The following LDB2 variants were observed in gnomAD, a reference collection of about 807,000 sequenced individuals.
LDB2 encodes LIM domain-binding protein 2.
In LDB2, 12 loss-of-function variants were observed where a neutral mutation model predicts 44.3. That is an observed-to-expected ratio of 0.27 (90% CI 0.17 to 0.44). LDB2 has a LOEUF of 0.44. LDB2 is among the 20% of genes least tolerant of loss of function. The pLI is 1.00. For missense variants in LDB2, 344 were observed against 473.5 expected, an observed-to-expected ratio of 0.73 and a Z score of 2.54; for synonymous variants, 164 against 174.8, an observed-to-expected ratio of 0.94 and a Z score of 0.49.
intron 7 of LDB2, among the ~76,000 whole-genome samples, chr4:16,505,345 G>T (rs1372494011): frequency 1.3e-5 from 2 of 151,664 alleles, no homozygotes; most frequent in South Asian, 2.1e-4. Context: ...GTGTGTGTGT[G>T]TGAGAGAGAG....
chr4:16,696,986 C>T (rs1287942316), intron 2 of LDB2, among the ~76,000 whole-genome samples: 1 of 152,080 alleles, frequency 6.6e-6, no homozygotes, highest in Non-Finnish European at 1.5e-5. Flanking sequence ...ACAGGATAAG[C>T]TATTTGGGGA....
chr4:16,813,965 A>G (rs1243474064), intron 1 of LDB2, among the ~76,000 whole-genome samples: 4 of 149,452 alleles, frequency 2.7e-5, no homozygotes, highest in Non-Finnish European at 3.0e-5. Flanking sequence ...TCTGCCTCCC[A>G]GGTTCAGGCC....
rs1216146529 is a variant in LDB2 at position 16,898,568 on chromosome 4, A to G, written c.-83T>C. On this transcript the variant is annotated 5_prime_UTR_variant, in exon 1 of 8. Transcript: ENST00000304523. The stretch of plus-strand genomic sequence containing the variant: ...ACATGGGCTGTGTTCTTCCCAGTAC[A>G]AAGTAGACGCACGCACACACGCTCA... 8 of 1,420,338 alleles carry G rather than the reference A, an allele frequency of 5.6e-6. No homozygotes were observed. Among genetic ancestry groups the G allele is most frequent in the Non-Finnish European group, 9.7e-7 (1 of 1,027,308 alleles). 88.0% of individuals were successfully genotyped at this position (1,420,338 alleles called of 1,614,324 possible). A position where few individuals can be genotyped will look rare whatever the true frequency, so the allele number is the denominator to read the frequency against.
At chr4:16,726,147 T>C (rs1435109580) in intron 2 of LDB2, among the ~76,000 whole-genome samples, 1 of 152,054 alleles carries the variant, frequency 6.6e-6, no homozygotes, top group African/African-American at 2.4e-5. Flanking sequence ...CTAAAGTAAG[T>C]ACCTATTAAA....
intron 1 of LDB2, among the ~76,000 whole-genome samples, chr4:16,851,205 G>T (rs556064246): frequency 1.3e-5 from 2 of 152,050 alleles, no homozygotes; most frequent in South Asian, 4.2e-4. Flanking sequence ...CTACCAACAG[G>T]ATATCAACAG....
intron 1 of LDB2, among the ~76,000 whole-genome samples, chr4:16,883,774 G>T (rs566174652): frequency 2.0e-5 from 3 of 152,296 alleles, no homozygotes; most frequent in Non-Finnish European, 4.4e-5. Flanking sequence ...TATCAAGGCA[G>T]GAAGAAAACT....
chr4:16,544,071 A>T (rs926072339), intron 5 of LDB2, among the ~76,000 whole-genome samples: 1 of 152,212 alleles, frequency 6.6e-6, no homozygotes, highest in Admixed American at 6.5e-5. Flanking sequence ...GACAAACAAT[A>T]AACAAACACA....
intron 1 of LDB2, chr4:16,893,101 T>A (rs1271841286): frequency 9.3e-6 from 9 of 968,518 alleles, no homozygotes; most frequent in Non-Finnish European, 1.1e-5. Context: ...GTAGAGATCC[T>A]GAAAAATAAG....
At chr4:16,713,091 A>T (rs1756290120) in intron 2 of LDB2, among the ~76,000 whole-genome samples, 1 of 152,250 alleles carries the variant, frequency 6.6e-6, no homozygotes, top group South Asian at 2.1e-4. Context: ...AAGTAAAAGA[A>T]GCCAGAAACA....
At chr4:16,765,888 CACCTTTGGAGTATTAT>C (rs1413021625) in intron 1 of LDB2, among the ~76,000 whole-genome samples, 16 of 152,262 alleles carry the variant, frequency 1.1e-4, no homozygotes, top group Non-Finnish European at 2.2e-4. Context: ...GCTTTTGAGC[CACCTTTGGAGTATTAT>C]ACATCTCAGT....
intron 2 of LDB2, among the ~76,000 whole-genome samples, chr4:16,728,988 T>C (rs1386304333): frequency 6.6e-6 from 1 of 152,226 alleles, no homozygotes; most frequent in African/African-American, 2.4e-5. Context: ...TGAGATCCCT[T>C]TTTTATTGGA....
intron 2 of LDB2, among the ~76,000 whole-genome samples, chr4:16,725,307 G>A (rs980404601): frequency 2.6e-5 from 4 of 151,988 alleles, no homozygotes; most frequent in African/African-American, 9.7e-5. Flanking sequence ...GAAAGACAGA[G>A]AGAGAGAGAG....
intron 5 of LDB2, among the ~76,000 whole-genome samples, chr4:16,555,466 C>T (rs1739234089): frequency 6.6e-6 from 1 of 152,176 alleles, no homozygotes; most frequent in Admixed American, 6.5e-5. Flanking sequence ...CATACACACA[C>T]CAACAAACAT....
chr4:16,691,377 A>C lies in LDB2; in HGVS notation c.235+67781T>G, dbSNP rs189909839. ...GACATGGAACAGCTTTGCAAATATGAAAATTCACTGCAACGATAATATTCT... is the reference window on the plus strand; with the variant it reads ...GACATGGAACAGCTTTGCAAATATGCAAATTCACTGCAACGATAATATTCT... On this transcript the variant is annotated intron_variant, in intron 2 of 7. Transcript: ENST00000304523. 1.4e-4 allele frequency among the ~76,000 whole-genome samples: 22 copies of C among 152,360 alleles called. 1 individual carries two copies. Among genetic ancestry groups the C allele is most frequent in the Admixed American group, 1.4e-3 (21 of 15,306 alleles).
intron 2 of LDB2, among the ~76,000 whole-genome samples, chr4:16,672,898 C>CT (rs1429935257): frequency 3.5e-5 from 5 of 143,558 alleles, no homozygotes; most frequent in Non-Finnish European, 7.5e-5. Context: ...TTTTTTCCTT[C>CT]CCCCTCTCCT....
chr4:16,731,115 T>C (rs528231249), intron 2 of LDB2, among the ~76,000 whole-genome samples: 2 of 151,846 alleles, frequency 1.3e-5, no homozygotes, highest in African/African-American at 4.8e-5. Context: ...AGGATGTACA[T>C]AGGAGAAAGA....
Position 16,615,069 on chromosome 4 carries a change from CAA to C in LDB2, c.236-19196_236-19195del, listed in dbSNP as rs71649971. ...TGGGCGACAGAGCGAGACTCCGTCT[CAA>C]AAAAAAAAAAAAAAAAAAAAAGTCA... On this transcript the variant is annotated intron_variant, in intron 2 of 7. Transcript: ENST00000304523. 4.2e-4 allele frequency among the ~76,000 whole-genome samples: 20 copies of C among 47,326 alleles called. 2 individuals are homozygous for C. The South Asian group carries it at 0.016, about 37-fold the overall frequency. 31.0% of individuals were successfully genotyped at this position (47,326 alleles called of 152,430 possible). A position where few individuals can be genotyped will look rare whatever the true frequency, so the allele number is the denominator to read the frequency against.
intron 1 of LDB2, among the ~76,000 whole-genome samples, chr4:16,797,755 G>A (rs1467450436): frequency 6.6e-6 from 1 of 151,866 alleles, no homozygotes; most frequent in Non-Finnish European, 1.5e-5. Context: ...GTATAATCAA[G>A]GCTGGGCATG....
At chr4:16,861,704 T>G (rs1413891113) in intron 1 of LDB2, among the ~76,000 whole-genome samples, 1 of 152,170 alleles carries the variant, frequency 6.6e-6, no homozygotes, top group African/African-American at 2.4e-5. Flanking sequence ...TGGCTTTTTG[T>G]GGCCTCCAGC....
Sources: allele counts gnomAD v4.1 joint callset (sites outside exome capture counted in the v4.1 genomes callset), GRCh38; gene constraint gnomAD v4.1.1; transcripts MANE v1.5; gene names NCBI Gene and HGNC (gene_info 2026-07-23, HGNC 2026-07-21).